ZNF484: variants seen among roughly 807,000 people sequenced by gnomAD.
ZNF484 encodes zinc finger protein 484.
ZNF484 carries 11 observed loss-of-function variants against 12.9 expected under a neutral mutation model. That is an observed-to-expected ratio of 0.85 (90% CI 0.54 to 1.41). The LOEUF is 1.41. ZNF484 is among the 40% of genes most tolerant of loss of function. The pLI, the probability that ZNF484 is intolerant of heterozygous loss-of-function variation, is 0.00. For synonymous variants in ZNF484, 289 were observed against 334.1 expected, an observed-to-expected ratio of 0.86 and a Z score of 1.47; for missense variants, 807 against 1,007.7, an observed-to-expected ratio of 0.80 and a Z score of 2.70.
chr9:92,856,034 G>T, intron 3 of ZNF484, 131 bp from the exon 4 acceptor site: 1 of 1,396,834 alleles, frequency 7.2e-7, no homozygotes, highest in Non-Finnish European at 9.9e-7. Context: ...TAAGAACATG[G>T]GACAAAATAA....
chr9:92,854,320 C>T (rs915328884), intron 4 of ZNF484, among the ~76,000 whole-genome samples: 7 of 152,214 alleles, frequency 4.6e-5, no homozygotes, highest in Middle Eastern at 3.4e-3. Flanking sequence ...TTCCAGGGAC[C>T]GTAGAGTGAC....
Position 92,856,264 on chromosome 9 carries a change from G to A in ZNF484, c.70C>T (p.Gln24Ter), listed in dbSNP as rs935224718. The change falls in exon 3 of 5, where the codon CAA becomes TAA. Residue 24 changes from glutamine to a stop codon, truncating the protein, a stop_gained. Coordinates refer to ENST00000375495, the MANE Select transcript of ZNF484 (RefSeq NM_031486.4). LOFTEE classifies it high-confidence loss of function. ...TVDFSRDEWQ[Q>*]LDLAQKSLYR... ...AGGCTTTTCTGAGCAAGGTCTAATT[G>A]TTGCCACTCATCCCTACTGAAGTCT... is the stretch of plus-strand genomic sequence containing the variant. 1.7e-5 allele frequency: 28 copies of A among 1,612,310 alleles called. No homozygotes were observed. Among genetic ancestry groups the A allele is most frequent in the Non-Finnish European group, 2.4e-5 (28 of 1,179,678 alleles).
intron 2 of ZNF484, among the ~76,000 whole-genome samples, chr9:92,872,632 G>A (rs1316993363): frequency 6.6e-6 from 1 of 151,962 alleles, no homozygotes; most frequent in African/African-American, 2.4e-5. Flanking sequence ...GTGAAATGTG[G>A]GCACCCACTA....
intron 1 of ZNF484, among the ~76,000 whole-genome samples, chr9:92,877,048 C>G (rs1857859511): frequency 6.6e-6 from 1 of 152,020 alleles, no homozygotes. Flanking sequence ...TAAAAAACAG[C>G]TAAAACATAC....
At chr9:92,855,258 G>C (rs1224698635) in intron 4 of ZNF484, among the ~76,000 whole-genome samples, 1 of 152,134 alleles carries the variant, frequency 6.6e-6, no homozygotes, top group Non-Finnish European at 1.5e-5. Flanking sequence ...CAAGTAGGAA[G>C]AAAATGTCAA....
rs1392890925 is a variant in ZNF484, at chr9:92,846,697, C to T, written c.2090G>A (p.Cys697Tyr). The T allele has an allele frequency of 3.1e-6, 5 of 1,614,132 alleles. No individual in the cohort carries two copies. The highest frequency in any genetic ancestry group is 2.2e-5 in the East Asian group (1 of 44,880). ...TGATTTTCTTGCAAAGGCTTTCCCACATTCACTGCACTCATAATGCCTTTC... is the reference window on the plus strand; with the variant it reads ...TGATTTTCTTGCAAAGGCTTTCCCATATTCACTGCACTCATAATGCCTTTC... ...TGERHYECSE[C>Y]GKAFARKSTL... Residue 697 changes from cysteine to tyrosine, a missense_variant, in exon 5 of 5, where the codon TGT becomes TAT. Transcript: ENST00000375495.
intron 2 of ZNF484, among the ~76,000 whole-genome samples, chr9:92,860,833 A>G (rs1312015797): frequency 6.6e-6 from 1 of 152,110 alleles, no homozygotes; most frequent in Non-Finnish European, 1.5e-5. Context: ...CCTACCCCAA[A>G]TTAAGTGAAT....
At chr9:92,863,254 T>C (rs1301193994) in intron 2 of ZNF484, among the ~76,000 whole-genome samples, 1 of 114,924 alleles carries the variant, frequency 8.7e-6, no homozygotes, top group African/African-American at 3.3e-5. Flanking sequence ...CAACACTCAC[T>C]GGGGCCTGTT....
chr9:92,863,846 A>C (rs1044837748), intron 2 of ZNF484, among the ~76,000 whole-genome samples: 3 of 152,234 alleles, frequency 2.0e-5, no homozygotes, highest in Admixed American at 6.5e-5. Context: ...GGGAGTCACC[A>C]GTAGATAATT....
chr9:92,868,177 C>T (rs550238384), intron 2 of ZNF484, among the ~76,000 whole-genome samples: 7 of 152,248 alleles, frequency 4.6e-5, no homozygotes, highest in Non-Finnish European at 8.8e-5. Context: ...TATGTCTTAC[C>T]CAGCTTCTTG....
rs1418258061 is a variant in ZNF484 at position 92,844,232 on chromosome 9, C to A, written c.*1996G>T. ...TGTCTGGCAAGTGATATAAAAATCACCATATGAGGAGATAGGACATCAGCA... is the reference window on the plus strand; with the variant it reads ...TGTCTGGCAAGTGATATAAAAATCAACATATGAGGAGATAGGACATCAGCA... On this transcript the variant is annotated 3_prime_UTR_variant, in exon 5 of 5. Coordinates refer to ENST00000375495, the MANE Select transcript of ZNF484 (RefSeq NM_031486.4). 6.6e-6 allele frequency among the ~76,000 whole-genome samples: 1 copy of A among 152,032 alleles called. No homozygotes were observed. The highest frequency in any genetic ancestry group is 2.4e-5 in the African/African-American group (1 of 41,390).
chr9:92,878,026 T>G lies in ZNF484; in HGVS notation c.-167A>C. The G allele has an allele frequency of 1.6e-6, 1 of 636,794 alleles. No homozygotes were observed. The highest frequency in any genetic ancestry group is 2.6e-6 in the Non-Finnish European group (1 of 380,178). 39.4% of individuals were successfully genotyped at this position (636,794 alleles called of 1,614,324 possible). A position where few individuals can be genotyped will look rare whatever the true frequency, so the allele number is the denominator to read the frequency against. ...TAGAGGTACTTCTTACAGCGCTGCC[T>G]GGGTTTGCGCATGCTCAGCAGTCTT... On this transcript the variant is annotated 5_prime_UTR_variant, in exon 1 of 5. Transcript: ENST00000375495.
At chr9:92,857,961 T>A (rs973261208) in intron 2 of ZNF484, among the ~76,000 whole-genome samples, 1 of 152,216 alleles carries the variant, frequency 6.6e-6, no homozygotes, top group Non-Finnish European at 1.5e-5. Flanking sequence ...TTTGCCATGT[T>A]GCCCAGGCTG....
intron 4 of ZNF484, among the ~76,000 whole-genome samples, chr9:92,851,614 C>T (rs1313393133): frequency 6.6e-6 from 1 of 152,174 alleles, no homozygotes; most frequent in Non-Finnish European, 1.5e-5. Context: ...TGTCCCTGAA[C>T]GGCCATGGAA....
At chr9:92,868,376 T>C (rs1423180349) in intron 2 of ZNF484, among the ~76,000 whole-genome samples, 2 of 152,204 alleles carry the variant, frequency 1.3e-5, no homozygotes, top group African/African-American at 4.8e-5. Context: ...CTGGGTCTTA[T>C]TTTCCTGGCT....
In ZNF484 at chr9:92,878,008, ACTT is replaced by A. The variant is rs878908511; in HGVS notation, c.-152_-150del. On this transcript the variant is annotated 5_prime_UTR_variant, in exon 1 of 5. Coordinates refer to ENST00000375495, the MANE Select transcript of ZNF484 (RefSeq NM_031486.4). ...CTCAATGCCTCCCAGGCCTAGAGGT[ACTT>A]CTTACAGCGCTGCCTGGGTTTGCGC... is the stretch of plus-strand genomic sequence containing the variant. The A allele has an allele frequency of 1.3e-6, 1 of 743,898 alleles. No homozygotes were observed. 46.1% of individuals were successfully genotyped at this position (743,898 alleles called of 1,614,324 possible).
chr9:92,873,037 T>G (rs1348579790), intron 2 of ZNF484, among the ~76,000 whole-genome samples: 2 of 152,170 alleles, frequency 1.3e-5, no homozygotes, highest in African/African-American at 4.8e-5. Flanking sequence ...TAACCCCTAA[T>G]GTAACTGTAT....
intron 4 of ZNF484, among the ~76,000 whole-genome samples, chr9:92,849,800 CTT>C (rs770649998): frequency 6.9e-6 from 1 of 144,676 alleles, no homozygotes. Context: ...CTCTCTCTCT[CTT>C]TTTTTTTTTT....
chr9:92,875,593 C>G (rs1254491761), intron 1 of ZNF484, among the ~76,000 whole-genome samples: 2 of 152,200 alleles, frequency 1.3e-5, no homozygotes, highest in African/African-American at 4.8e-5. Flanking sequence ...TCCTGGCTCT[C>G]TACCAATCAA....
Sources: gnomAD v4.1 joint callset for allele counts (sites outside exome capture counted in the v4.1 genomes callset) on GRCh38, gnomAD v4.1.1 for gene constraint, MANE v1.5 for transcripts, NCBI Gene and HGNC (gene_info 2026-07-23, HGNC 2026-07-21) for gene names.